The following NOP9 variants were observed in gnomAD, a reference collection of about 807,000 sequenced individuals.
NOP9 encodes the protein NOP9 nucleolar protein, also known as nucleolar protein 9.
Under a neutral mutation model 63.0 loss-of-function variants are expected in NOP9, and 50 were observed. The ratio of observed to expected loss-of-function variants is 0.79; its 90% CI spans 0.63 to 1.00. The LOEUF is 1.00. NOP9 is among the 50% of genes least tolerant of loss of function. The pLI is 0.00. For synonymous variants in NOP9, 343 were observed against 332.8 expected (o/e 1.03, Z -0.33); for missense variants, 758 against 803.0 (o/e 0.94, Z 0.68).
In NOP9 at chr14:24,304,150, G is replaced by A; in HGVS notation, c.1520G>A (p.Gly507Asp). The part of the protein sequence containing the change: ...STPGLVLRSL[G>D]ALTGPQLLSL... Reference sequence around the variant, plus strand: ...CCTGGTCTTGTACTTCGAAGTCTGGGTGCCTTGACGGGACCACAGCTTCTG... The same window carrying A: ...CCTGGTCTTGTACTTCGAAGTCTGGATGCCTTGACGGGACCACAGCTTCTG... Residue 507 changes from glycine to aspartate, a missense_variant, in exon 8 of 10, where the codon GGT (glycine) becomes GAT (aspartate). Transcript: ENST00000267425. 2.5e-6 allele frequency: 4 copies of A among 1,614,238 alleles called. No individual in the cohort carries two copies. Among genetic ancestry groups the A allele is most frequent in the Non-Finnish European group, 3.4e-6 (4 of 1,180,040 alleles).
At position 24,307,478 on chromosome 14, in the gene NOP9, C is replaced by T. The variant is rs375310375; in HGVS notation, c.*2383C>T. 3.7e-6 allele frequency: 6 copies of T among 1,613,954 alleles called. No homozygotes were observed. The African/African-American group carries it at 5.3e-5, about 14-fold the overall frequency. The stretch of plus-strand genomic sequence containing the variant: ...TGGGGTGGTGGAGCTGAGGTCCAGA[C>T]CCTCCGTCCAAACTCCGAGCTTATA... On this transcript the variant is annotated 3_prime_UTR_variant, in exon 10 of 10. Coordinates refer to ENST00000267425, the MANE Select transcript of NOP9 (RefSeq NM_174913.3).
chr14:24,293,410 C>T, the NOP9 span: 1 of 149,080 alleles, frequency 6.7e-6, no homozygotes, highest in African/African-American at 2.5e-5. Flanking sequence ...CCCATCTGTA[C>T]TAAAAATACA....
rs1168239147 is a variant in NOP9 at position 24,305,920 on chromosome 14, G to C, written c.*825G>C. ...GGGGACTATCCAACTGTAGGGGATGGGGCAGTATGACATGTTGATTTCTGA... is the reference window on the plus strand; with the variant it reads ...GGGGACTATCCAACTGTAGGGGATGCGGCAGTATGACATGTTGATTTCTGA... On this transcript the variant is annotated 3_prime_UTR_variant, in exon 10 of 10. Transcript: ENST00000267425. The C allele has an allele frequency of 6.2e-7, 1 of 1,605,368 alleles. No homozygotes were observed. The highest frequency in any genetic ancestry group is 1.1e-5 in the South Asian group (1 of 89,576).
chr14:24,282,135 C>T, the NOP9 span, among the ~76,000 whole-genome samples: 5 of 152,202 alleles, frequency 3.3e-5, no homozygotes, highest in African/African-American at 4.8e-5. Context: ...TGTAGTGAGC[C>T]GAGATAGCGC....
Position 24,307,457 on chromosome 14 carries a change from G to T in NOP9, c.*2362G>T. 1 of 1,614,182 alleles carries T rather than the reference G, an allele frequency of 6.2e-7. No homozygotes were observed. The highest frequency in any genetic ancestry group is 8.5e-7 in the Non-Finnish European group (1 of 1,180,014). On this transcript the variant is annotated 3_prime_UTR_variant, in exon 10 of 10. Coordinates refer to ENST00000267425, the MANE Select transcript of NOP9 (RefSeq NM_174913.3). ...TCACAGACACGGAAAGGTCGCTGGG[G>T]TGGTGGAGCTGAGGTCCAGACCCTC...
intron 8 of NOP9, 37 bp downstream of exon 8, chr14:24,304,314 C>A: frequency 6.5e-7 from 1 of 1,545,008 alleles, no homozygotes; most frequent in Non-Finnish European, 8.9e-7. Context: ...TCCCCACCAT[C>A]ATCCATTTAG....
rs1265947182 is a variant in NOP9 at position 24,302,409 on chromosome 14, C to T, written c.1128C>T (p.Val376=). The change falls in exon 5 of 10, where the codon GTC becomes GTT. Residue 376 remains valine, a synonymous_variant. Coordinates refer to ENST00000267425, the MANE Select transcript of NOP9 (RefSeq NM_174913.3). ...CTTTGCAGCGCTTACTGGATGCAGT[C>T]ACTACCCCTGAGCTGGTGAGTTGGA... ...NFPLQRLLDA[V]TTPELLSPVF... is the part of the protein sequence containing the mutation. 2 of 1,611,402 alleles carry T rather than the reference C, an allele frequency of 1.2e-6. No homozygotes were observed. The highest frequency in any genetic ancestry group is 2.2e-5 in the East Asian group (1 of 44,806).
the NOP9 span, among the ~76,000 whole-genome samples, chr14:24,271,906 A>AT: frequency 2.0e-5 from 3 of 151,580 alleles, no homozygotes; most frequent in Admixed American, 6.6e-5. Context: ...GTTTCCTGTC[A>AT]TTTTCTCTAA....
intron 7 of NOP9, 58 bp from the exon 8 acceptor site, chr14:24,303,983 A>C (rs1442763573): frequency 6.3e-7 from 1 of 1,581,646 alleles, no homozygotes; most frequent in African/African-American, 1.3e-5. Flanking sequence ...TGTTCTGGGG[A>C]TGGGCTCATC....
At chr14:24,292,522 A>C in the NOP9 span, 6 of 1,546,282 alleles carry the variant, frequency 3.9e-6, no homozygotes, top group African/African-American at 8.2e-5. Flanking sequence ...GGAACTGTCC[A>C]TGGATGAGGC....
Position 24,306,591 on chromosome 14 carries a change from C to T in NOP9, c.*1496C>T. On this transcript the variant is annotated 3_prime_UTR_variant, in exon 10 of 10. Coordinates refer to ENST00000267425, the MANE Select transcript of NOP9 (RefSeq NM_174913.3). Reference sequence around the variant, plus strand: ...GCCCCTTCCCTCTTTAGCTGCCCAACATCCATCAGTTGGCTCTAGACATTG... The same window carrying T: ...GCCCCTTCCCTCTTTAGCTGCCCAATATCCATCAGTTGGCTCTAGACATTG... The T allele has an allele frequency of 5.6e-6, 9 of 1,599,754 alleles. No homozygotes were observed. The highest frequency in any genetic ancestry group is 7.7e-6 in the Non-Finnish European group (9 of 1,168,120).
chr14:24,299,404 T>G (rs572589667), upstream of NOP9: 185 of 299,282 alleles, frequency 6.2e-4, no homozygotes, highest in African/African-American at 3.7e-3. Flanking sequence ...TGCCTGGATA[T>G]GGGAATCTGG....
the NOP9 span, chr14:24,292,372 G>T: frequency 6.2e-7 from 1 of 1,610,756 alleles, no homozygotes; most frequent in Non-Finnish European, 8.5e-7. Context: ...ACCTAGCCAT[G>T]TCACTTTCCT....
At chr14:24,284,407 T>TG in the NOP9 span, among the ~76,000 whole-genome samples, 6 of 151,856 alleles carry the variant, frequency 4.0e-5, no homozygotes, top group African/African-American at 1.5e-4. Flanking sequence ...GACCAGGAGA[T>TG]GGAGGGTTAA....
chr14:24,292,057 G>A, the NOP9 span: 1 of 1,159,140 alleles, frequency 8.6e-7, no homozygotes, highest in Non-Finnish European at 1.3e-6. Context: ...GAAATAATGT[G>A]TGTCCCATGC....
Position 24,306,143 on chromosome 14 carries a change from G to A in NOP9, c.*1048G>A. ...CCATATGACAGCACTCCACTCTGTA[G>A]GACACCCTTGTCAGTGCAGTAGATC... On this transcript the variant is annotated 3_prime_UTR_variant, in exon 10 of 10. Transcript: ENST00000267425. The A allele has an allele frequency of 2.5e-6, 4 of 1,612,288 alleles. No homozygotes were observed. The highest frequency in any genetic ancestry group is 3.4e-6 in the Non-Finnish European group (4 of 1,178,952).
At chr14:24,299,009 G>A, upstream of NOP9, 1 of 1,613,998 alleles carries the variant, frequency 6.2e-7, no homozygotes, top group Non-Finnish European at 8.5e-7. Flanking sequence ...GATGTAAACT[G>A]TGGCGCCTGC....
upstream of NOP9, among the ~76,000 whole-genome samples, chr14:24,295,628 T>C (rs1307224276): frequency 1.3e-5 from 2 of 152,182 alleles, no homozygotes; most frequent in African/African-American, 4.8e-5. Flanking sequence ...GATGAGGGTG[T>C]GGAAGGCACC....
At chr14:24,281,678 G>A in the NOP9 span, among the ~76,000 whole-genome samples, 1 of 152,202 alleles carries the variant, frequency 6.6e-6, no homozygotes, top group Non-Finnish European at 1.5e-5. Flanking sequence ...GGCCTGGCTG[G>A]ATGAATTCTG....
Sources: gnomAD v4.1 joint callset for allele counts (sites outside exome capture counted in the v4.1 genomes callset) on GRCh38, gnomAD v4.1.1 for gene constraint, MANE v1.5 for transcripts, NCBI Gene and HGNC (gene_info 2026-07-23, HGNC 2026-07-21) for gene names.